CDH13: variants seen among roughly 807,000 people sequenced by gnomAD.
The protein encoded by CDH13 is cadherin-13.
Under a neutral mutation model 63.8 loss-of-function variants are expected in CDH13, and 24 were observed. The observed-to-expected ratio is 0.38, with a 90% confidence interval of 0.27 to 0.53. The LOEUF is 0.53. Ranked by LOEUF, CDH13 falls within the 20% of genes least tolerant of loss-of-function variation. The probability of loss-of-function intolerance (pLI) is 0.85; values close to 1 mark genes in which losing one functional copy is unlikely to be tolerated. For synonymous variants in CDH13, 503 were observed against 355.3 expected, an observed-to-expected ratio of 1.42 and a Z score of -4.67; for missense variants, 1,049 against 903.1, an observed-to-expected ratio of 1.16 and a Z score of -2.07.
At chr16:83,271,509 A>G (rs201595156) in intron 5 of CDH13, among the ~76,000 whole-genome samples, 1 of 122,084 alleles carries the variant, frequency 8.2e-6, no homozygotes, top group Non-Finnish European at 1.7e-5. Flanking sequence ...TTAAAAAAAA[A>G]CAAAACAAAA....
At chr16:83,296,700 A>G (rs2089607151) in intron 5 of CDH13, among the ~76,000 whole-genome samples, 1 of 152,214 alleles carries the variant, frequency 6.6e-6, no homozygotes, top group Admixed American at 6.5e-5. Flanking sequence ...GGCAGGGTTA[A>G]TGATTTCATA....
At chr16:83,273,989 A>G (rs1342123394) in intron 5 of CDH13, among the ~76,000 whole-genome samples, 2 of 152,100 alleles carry the variant, frequency 1.3e-5, no homozygotes, top group Non-Finnish European at 2.9e-5. Flanking sequence ...CTCTGACCAC[A>G]TTGCTTACAC....
chr16:83,462,471 G>T lies in CDH13; in HGVS notation c.782-24006G>T, dbSNP rs373343123. ...GGTGAGATCAAGAAAGAAATTAGAG[G>T]CAAGGTGCAGTGGCTTACGCCTGTA... On this transcript the variant is annotated intron_variant, in intron 6 of 13. Transcript: ENST00000567109. Among the ~76,000 whole-genome samples the T allele has an allele frequency of 5.9e-5, 9 of 152,366 alleles. No homozygotes were observed. In the East Asian group the frequency reaches 1.5e-3, roughly 26 times the overall value.
intron 2 of CDH13, among the ~76,000 whole-genome samples, chr16:82,879,172 G>A (rs374550070): frequency 4.6e-5 from 7 of 152,134 alleles, no homozygotes; most frequent in Non-Finnish European, 1.0e-4. Flanking sequence ...ATTGGTGGCA[G>A]GCAGATGCCC....
At chr16:82,841,062 G>T (rs1033991374) in intron 1 of CDH13, among the ~76,000 whole-genome samples, 1 of 152,206 alleles carries the variant, frequency 6.6e-6, no homozygotes, top group African/African-American at 2.4e-5. Context: ...GGTACTTGCT[G>T]GGGACACATG....
chr16:83,719,593 G>A (rs758728708), intron 10 of CDH13, among the ~76,000 whole-genome samples: 31 of 152,264 alleles, frequency 2.0e-4, no homozygotes, highest in Non-Finnish European at 4.3e-4. Context: ...GCTACCGAGC[G>A]CTTCCTGCAT....
intron 6 of CDH13, among the ~76,000 whole-genome samples, chr16:83,482,409 C>T (rs899999037): frequency 5.3e-5 from 8 of 152,224 alleles, no homozygotes; most frequent in Non-Finnish European, 1.2e-4. Context: ...GACACCCTCT[C>T]TTGGAGATTG....
intron 8 of CDH13, among the ~76,000 whole-genome samples, chr16:83,626,020 T>TG (rs1012344950): frequency 2.0e-5 from 3 of 151,548 alleles, no homozygotes; most frequent in African/African-American, 7.3e-5. Context: ...TCTTTTTTTT[T>TG]TTTTTTTCAA....
chr16:82,678,393 G>T (rs1029559816), intron 1 of CDH13, among the ~76,000 whole-genome samples: 3 of 150,950 alleles, frequency 2.0e-5, no homozygotes, highest in Non-Finnish European at 4.4e-5. Flanking sequence ...TTTTTGCAGG[G>T]TATAAGAATT....
At chr16:83,578,197 A>G (rs1416088328) in intron 7 of CDH13, among the ~76,000 whole-genome samples, 2 of 152,204 alleles carry the variant, frequency 1.3e-5, no homozygotes, top group Admixed American at 6.5e-5. Flanking sequence ...GTGAAAATAT[A>G]TCGCTGGCTA....
chr16:82,996,305 C>G (rs1454817410), intron 2 of CDH13, among the ~76,000 whole-genome samples: 1 of 152,130 alleles, frequency 6.6e-6, no homozygotes, highest in Non-Finnish European at 1.5e-5. Context: ...CCAGTGGCCT[C>G]TACCCCATGA....
intron 5 of CDH13, among the ~76,000 whole-genome samples, chr16:83,273,729 G>C (rs2088896772): frequency 6.6e-6 from 1 of 152,182 alleles, no homozygotes; most frequent in Non-Finnish European, 1.5e-5. Flanking sequence ...TTGATCTCTT[G>C]TGGTTTCCGT....
At chr16:83,332,790 A>C (rs772313682) in intron 5 of CDH13, among the ~76,000 whole-genome samples, 5 of 152,216 alleles carry the variant, frequency 3.3e-5, no homozygotes, top group African/African-American at 7.2e-5. Flanking sequence ...GAATATCTGC[A>C]TAGATTTCTT....
At chr16:83,359,418 C>G (rs1009460800) in intron 6 of CDH13, among the ~76,000 whole-genome samples, 2 of 152,166 alleles carry the variant, frequency 1.3e-5, no homozygotes, top group African/African-American at 4.8e-5. Flanking sequence ...TGGCAGCCAG[C>G]AATGGCTTCT....
chr16:82,684,448 A>G (rs1325672435), intron 1 of CDH13, among the ~76,000 whole-genome samples: 2 of 152,192 alleles, frequency 1.3e-5, no homozygotes, highest in Non-Finnish European at 2.9e-5. Context: ...GCAAGATTCT[A>G]GAGCTCATCA....
At chr16:82,920,038 C>T (rs2042105953) in intron 2 of CDH13, among the ~76,000 whole-genome samples, 1 of 152,158 alleles carries the variant, frequency 6.6e-6, no homozygotes, top group South Asian at 2.1e-4. Flanking sequence ...TTAGTCAGGG[C>T]CTTTGCTACT....
intron 6 of CDH13, among the ~76,000 whole-genome samples, chr16:83,364,334 G>A (rs924071681): frequency 6.6e-6 from 1 of 152,098 alleles, no homozygotes; most frequent in Non-Finnish European, 1.5e-5. Flanking sequence ...ACTAGTAAGT[G>A]CCTGGCTTTG....
At chr16:83,177,237 C>T (rs896560502) in intron 4 of CDH13, among the ~76,000 whole-genome samples, 1 of 152,182 alleles carries the variant, frequency 6.6e-6, no homozygotes, top group Admixed American at 6.5e-5. Context: ...ATTGTTTTAT[C>T]TTAAATATGA....
intron 6 of CDH13, among the ~76,000 whole-genome samples, chr16:83,440,901 C>G (rs1030001108): frequency 6.6e-6 from 1 of 151,960 alleles, no homozygotes; most frequent in African/African-American, 2.4e-5. Context: ...AAAAGATGAA[C>G]CCATGACTGT....
Sources: allele counts gnomAD v4.1 joint callset (sites outside exome capture counted in the v4.1 genomes callset), GRCh38; gene constraint gnomAD v4.1.1; transcripts MANE v1.5; gene names NCBI Gene and HGNC (gene_info 2026-07-23, HGNC 2026-07-21).